CCDC3: variants seen among roughly 807,000 people sequenced by gnomAD.
CCDC3 encodes coiled-coil domain containing 3.
Under a neutral mutation model 21.4 loss-of-function variants are expected in CCDC3, and 24 were observed. The observed-to-expected ratio is 1.12, with a 90% CI of 0.81 to 1.58. The LOEUF (loss-of-function observed/expected upper bound fraction) is 1.58. Among genes scored for constraint, CCDC3 ranks in the 40% most tolerant of loss-of-function variants. The pLI is 0.00. For missense variants in CCDC3, 425 were observed against 360.9 expected (o/e 1.18, Z -1.44); for synonymous variants, 186 against 166.0 (o/e 1.12, Z -0.93).
At chr10:12,927,427 TTTC>T (rs1834561128) in intron 2 of CCDC3, among the ~76,000 whole-genome samples, 1 of 152,220 alleles carries the variant, frequency 6.6e-6, no homozygotes, top group Non-Finnish European at 1.5e-5. Flanking sequence ...GCCTCACAGA[TTTC>T]TTTTTTATAT....
At chr10:13,042,906 C>CAAAAAAA (rs55911312) in intron 5 of CCDC3, among the ~76,000 whole-genome samples, 1 of 100,422 alleles carries the variant, frequency 1.0e-5, no homozygotes, top group Non-Finnish European at 1.9e-5. Context: ...GAGACTGTCT[C>CAAAAAAA]AAAAAAAAAA....
chr10:13,059,332 A>C (rs949489912), intron 4 of CCDC3, among the ~76,000 whole-genome samples: 1 of 152,154 alleles, frequency 6.6e-6, no homozygotes, highest in African/African-American at 2.4e-5. Flanking sequence ...CTGCCCTAGA[A>C]CACCTACTTT....
chr10:13,001,136 C>T (rs1353971316), intron 1 of CCDC3, 61 bp downstream of exon 1: 56 of 1,511,184 alleles, frequency 3.7e-5, no homozygotes, highest in Middle Eastern at 1.9e-4. Flanking sequence ...CTCTAGGTAA[C>T]GGCGACCTCG....
At chr10:13,050,315 G>A (rs1836587714) in intron 4 of CCDC3, among the ~76,000 whole-genome samples, 1 of 152,178 alleles carries the variant, frequency 6.6e-6, no homozygotes, top group African/African-American at 2.4e-5. Context: ...CTGTCAGACT[G>A]CAGGGAATTA....
intron 2 of CCDC3, among the ~76,000 whole-genome samples, chr10:12,912,478 C>T (rs1834284837): frequency 6.6e-6 from 1 of 152,096 alleles, no homozygotes; most frequent in African/African-American, 2.4e-5. Context: ...TGTTGGCTTT[C>T]TTGCTGTTGG....
At chr10:12,954,595 G>C (rs4750289) in intron 2 of CCDC3, among the ~76,000 whole-genome samples, 13,647 of 152,228 alleles carry the variant, frequency 0.09, 941 homozygotes, top group Admixed American at 0.22. Context: ...GAGAGAGAAA[G>C]CAAGAGAGAA....
intron 5 of CCDC3, among the ~76,000 whole-genome samples, chr10:13,018,484 C>T (rs1382963655): frequency 1.3e-5 from 2 of 152,176 alleles, no homozygotes; most frequent in African/African-American, 4.8e-5. Flanking sequence ...CTACAGGCCA[C>T]TGTGTGTCTT....
At chr10:13,057,602 G>A (rs914177393) in intron 4 of CCDC3, among the ~76,000 whole-genome samples, 2 of 151,802 alleles carry the variant, frequency 1.3e-5, no homozygotes, top group East Asian at 1.9e-4. Context: ...TGGTTTGACC[G>A]GGCGCGGGGG....
chr10:13,071,783 T>G (rs1356252326), intron 4 of CCDC3, among the ~76,000 whole-genome samples: 3 of 152,146 alleles, frequency 2.0e-5, no homozygotes, highest in Admixed American at 6.5e-5. Context: ...TGGGTAGCCA[T>G]TCATCTTCAG....
At chr10:13,054,277 G>A (rs1836653155) in intron 4 of CCDC3, among the ~76,000 whole-genome samples, 1 of 151,962 alleles carries the variant, frequency 6.6e-6, no homozygotes, top group African/African-American at 2.4e-5. Context: ...GGCCACTCCG[G>A]GCTGCCTTTG....
intron 5 of CCDC3, among the ~76,000 whole-genome samples, chr10:13,018,368 G>A (rs779296598): frequency 6.6e-6 from 1 of 152,068 alleles, no homozygotes; most frequent in Non-Finnish European, 1.5e-5. Flanking sequence ...CACTAGACCA[G>A]CTTTCATCCC....
chr10:13,060,992 T>C (rs1415748834), intron 4 of CCDC3, among the ~76,000 whole-genome samples: 3 of 152,208 alleles, frequency 2.0e-5, no homozygotes, highest in African/African-American at 4.8e-5. Flanking sequence ...GGCCCAAGAT[T>C]AGATTGGGAA....
In CCDC3 at chr10:12,998,249, A is replaced by G. The variant is rs945016492; in HGVS notation, c.549+89T>C. 9.9e-6 allele frequency: 14 copies of G among 1,411,538 alleles called. No individual in the cohort carries two copies. In the African/African-American group the frequency reaches 2.0e-4, roughly 20 times the overall value. The allele number at this position is 1,411,538 out of a possible 1,614,324, so 87.4% of individuals were successfully genotyped here. Reference sequence around the variant, plus strand: ...ACTCTCTGATCTGGGCTTTTGGAAGAGTATTCTTGATTCCTTTGGTCACAA... The same window carrying G: ...ACTCTCTGATCTGGGCTTTTGGAAGGGTATTCTTGATTCCTTTGGTCACAA... On this transcript the variant is annotated intron_variant, in intron 2 of 2. Transcript: ENST00000378825.
intron 2 of CCDC3, among the ~76,000 whole-genome samples, chr10:12,972,642 C>T (rs1835359949): frequency 6.6e-6 from 1 of 152,136 alleles, no homozygotes. Context: ...CATGGTGAAA[C>T]CCCGTCTCTA....
chr10:13,022,271 A>T (rs1345424205), intron 5 of CCDC3, among the ~76,000 whole-genome samples: 2 of 151,700 alleles, frequency 1.3e-5, no homozygotes, highest in African/African-American at 4.8e-5. Flanking sequence ...CCCCTTCCAC[A>T]CCTATAAGGG....
intron 5 of CCDC3, among the ~76,000 whole-genome samples, chr10:13,011,042 G>T (rs112174712): frequency 2.0e-5 from 3 of 151,930 alleles, no homozygotes; most frequent in African/African-American, 4.8e-5. Flanking sequence ...TAGCTGGGCC[G>T]CGGTGGTGCA....
At chr10:13,001,740 A>G, upstream of CCDC3, 1 of 332,760 alleles carries the variant, frequency 3.0e-6, no homozygotes, top group Non-Finnish European at 4.4e-6. Context: ...CCACGCTTTA[A>G]AAGGGTCCCG....
chr10:12,941,569 G>A (rs1409627334), intron 2 of CCDC3, among the ~76,000 whole-genome samples: 1 of 152,080 alleles, frequency 6.6e-6, no homozygotes, highest in Non-Finnish European at 1.5e-5. Context: ...TACTTATCTG[G>A]GAGAGGATTC....
chr10:12,940,688 A>C (rs1439534475), intron 2 of CCDC3, among the ~76,000 whole-genome samples: 1 of 152,228 alleles, frequency 6.6e-6, no homozygotes, highest in Non-Finnish European at 1.5e-5. Context: ...ATCATACGTA[A>C]GAGGTAGGCA....
Sources: allele counts gnomAD v4.1 joint callset (sites outside exome capture counted in the v4.1 genomes callset), GRCh38; gene constraint gnomAD v4.1.1; transcripts MANE v1.5; gene names NCBI Gene and HGNC (gene_info 2026-07-23, HGNC 2026-07-21).